Variants in CDH13 observed in about 807,000 individuals in gnomAD.
The protein encoded by CDH13 is cadherin 13, also known as cadherin-13.
CDH13 carries 24 observed loss-of-function variants against 63.8 expected under a neutral mutation model. The observed-to-expected ratio is 0.38, with a 90% CI of 0.27 to 0.53. CDH13 has a LOEUF of 0.53. Ranked by LOEUF, CDH13 falls within the 20% of genes least tolerant of loss-of-function variation. The pLI is 0.85. For missense variants in CDH13, 1,049 were observed against 903.1 expected (o/e 1.16, Z -2.07); for synonymous variants, 503 against 355.3 (o/e 1.42, Z -4.67).
chr16:83,079,981 A>G (rs548912425), intron 3 of CDH13, among the ~76,000 whole-genome samples: 2 of 152,356 alleles, frequency 1.3e-5, no homozygotes, highest in East Asian at 3.9e-4. Flanking sequence ...GCTTTTTAAA[A>G]GTACTTTCAC....
intron 2 of CDH13, among the ~76,000 whole-genome samples, chr16:83,008,418 C>G (rs1311107594): frequency 6.6e-6 from 1 of 152,128 alleles, no homozygotes; most frequent in Non-Finnish European, 1.5e-5. Context: ...TGCAAAGGCC[C>G]TGAGGCGGAG....
intron 1 of CDH13, among the ~76,000 whole-genome samples, chr16:82,661,808 C>T (rs1314334178): frequency 6.6e-6 from 1 of 152,242 alleles, no homozygotes; most frequent in Non-Finnish European, 1.5e-5. Context: ...AGATGTGTGT[C>T]ACATCAGACT....
intron 2 of CDH13, among the ~76,000 whole-genome samples, chr16:83,003,895 A>T (rs1913202734): frequency 6.6e-6 from 1 of 152,132 alleles, no homozygotes; most frequent in Admixed American, 6.5e-5. Flanking sequence ...CACTTCTTTT[A>T]TATTCTCCTT....
rs138257958 is a variant in CDH13, at chr16:82,643,430, G to A, written c.45+16293G>A. The stretch of plus-strand genomic sequence containing the variant: ...TGAGATCAGAAAGCGGAAGCAGAAC[G>A]ATGTTGAGAAACTTGGGGCTGGCAA... On this transcript the variant is annotated intron_variant, in intron 1 of 13. Coordinates refer to ENST00000567109, the MANE Select transcript of CDH13 (RefSeq NM_001257.5). Among the ~76,000 whole-genome samples the A allele has an allele frequency of 3.6e-3, 550 of 152,316 alleles. 1 individual carries two copies. The highest frequency in any genetic ancestry group is 0.012 in the African/African-American group (515 of 41,570).
chr16:82,893,391 C>G (rs2041147961), intron 2 of CDH13, among the ~76,000 whole-genome samples: 1 of 152,208 alleles, frequency 6.6e-6, no homozygotes, highest in Admixed American at 6.5e-5. Flanking sequence ...CCAAAAAGAA[C>G]TGAGTGTGCA....
At chr16:83,211,715 C>G (rs1227604318) in intron 4 of CDH13, among the ~76,000 whole-genome samples, 3 of 152,030 alleles carry the variant, frequency 2.0e-5, no homozygotes, top group African/African-American at 7.3e-5. Flanking sequence ...CTGCCCCTGC[C>G]CGGATGCAGA....
chr16:83,142,666 T>G (rs774252366), intron 4 of CDH13, among the ~76,000 whole-genome samples: 1 of 152,236 alleles, frequency 6.6e-6, no homozygotes, highest in Non-Finnish European at 1.5e-5. Flanking sequence ...AACCCCAAGA[T>G]AGCAGAATCT....
chr16:82,958,295 T>C (rs896091821), intron 2 of CDH13, among the ~76,000 whole-genome samples: 4 of 152,176 alleles, frequency 2.6e-5, no homozygotes, highest in African/African-American at 9.6e-5. Context: ...CTGTGTCTGA[T>C]ATATCGTTCA....
chr16:83,028,846 T>G (rs1916053471), intron 2 of CDH13, among the ~76,000 whole-genome samples: 1 of 152,204 alleles, frequency 6.6e-6, no homozygotes, highest in Admixed American at 6.6e-5. Context: ...ATGGGGGAAC[T>G]ACTGTATTCA....
chr16:83,107,842 C>T (rs146961970), intron 3 of CDH13, among the ~76,000 whole-genome samples: 163 of 151,166 alleles, frequency 1.1e-3, no homozygotes, highest in African/African-American at 3.4e-3. Context: ...TTTCTTGAGA[C>T]GGCATCTCGC....
intron 7 of CDH13, among the ~76,000 whole-genome samples, chr16:83,575,971 C>G (rs1905060471): frequency 6.6e-6 from 1 of 152,150 alleles, no homozygotes; most frequent in Non-Finnish European, 1.5e-5. Flanking sequence ...TTAAAGTGAA[C>G]AATTCAGTGG....
chr16:82,714,999 C>T (rs566984870), intron 1 of CDH13, among the ~76,000 whole-genome samples: 40 of 137,630 alleles, frequency 2.9e-4, no homozygotes, highest in East Asian at 2.1e-4. Flanking sequence ...TTCCAGCATC[C>T]GTAGGAAACT....
At chr16:83,179,083 G>A (rs114279736) in intron 4 of CDH13, among the ~76,000 whole-genome samples, 27 of 152,114 alleles carry the variant, frequency 1.8e-4, no homozygotes, top group Non-Finnish European at 2.9e-4. Context: ...TATGGAATTC[G>A]AGTCTCACAT....
At chr16:83,556,616 C>A (rs1029787075) in intron 7 of CDH13, among the ~76,000 whole-genome samples, 1 of 152,196 alleles carries the variant, frequency 6.6e-6, no homozygotes, top group Non-Finnish European at 1.5e-5. Flanking sequence ...AAGTTCATCA[C>A]CACATTCTTC....
intron 9 of CDH13, among the ~76,000 whole-genome samples, chr16:83,676,681 G>T (rs1914982374): frequency 6.6e-6 from 1 of 152,180 alleles, no homozygotes; most frequent in African/African-American, 2.4e-5. Flanking sequence ...TCCTATTACT[G>T]ACCCTGCTGG....
intron 2 of CDH13, among the ~76,000 whole-genome samples, chr16:82,912,892 G>T (rs1353704633): frequency 6.6e-6 from 1 of 151,172 alleles, no homozygotes; most frequent in African/African-American, 2.4e-5. Flanking sequence ...GCAGTGAGCC[G>T]AGATCACGCC....
rs528770076 is a variant in CDH13, at chr16:83,160,329, A to T, written c.483+34828A>T. Among the ~76,000 whole-genome samples the T allele has an allele frequency of 1.2e-4, 18 of 152,288 alleles. No homozygotes were observed. The South Asian group carries it at 3.7e-3, about 32-fold the overall frequency. On this transcript the variant is annotated intron_variant, in intron 4 of 13. Transcript: ENST00000567109. ...TCTGTAGCTGACTTTCAATTTTATTATAAACCTGAAACTGCTCTTAAAAAA... is the reference window on the plus strand; with the variant it reads ...TCTGTAGCTGACTTTCAATTTTATTTTAAACCTGAAACTGCTCTTAAAAAA...
At position 82,959,680 on chromosome 16, in the gene CDH13, T is replaced by G. The variant is rs1158870547; in HGVS notation, c.158-72330T>G. On this transcript the variant is annotated intron_variant, in intron 2 of 13. Transcript: ENST00000567109. Reference sequence around the variant, plus strand: ...AAGACTCTTTTTAAGGTCAGCTGATTAACAACCCAAATTCCACCTGCATAG... The same window carrying G: ...AAGACTCTTTTTAAGGTCAGCTGATGAACAACCCAAATTCCACCTGCATAG... Among the ~76,000 whole-genome samples, 3 of 152,360 alleles carry G rather than the reference T, an allele frequency of 2.0e-5. No individual in the cohort carries two copies. The East Asian group carries it at 5.8e-4, about 29-fold the overall frequency.
At chr16:82,794,876 T>C (rs2036506048) in intron 1 of CDH13, among the ~76,000 whole-genome samples, 1 of 152,118 alleles carries the variant, frequency 6.6e-6, no homozygotes, top group African/African-American at 2.4e-5. Flanking sequence ...CCCTTTTACC[T>C]CCCTCACTGG....
Sources: allele counts gnomAD v4.1 joint callset (sites outside exome capture counted in the v4.1 genomes callset), GRCh38; gene constraint gnomAD v4.1.1; transcripts MANE v1.5; gene names NCBI Gene and HGNC (gene_info 2026-07-23, HGNC 2026-07-21).